The following DLGAP1 variants were observed in gnomAD, a reference collection of about 807,000 sequenced individuals.
DLGAP1 encodes the protein disks large-associated protein 1.
In DLGAP1, 11 loss-of-function variants were observed where a neutral mutation model predicts 90.8. The ratio of observed to expected loss-of-function variants is 0.12; its 90% CI spans 0.08 to 0.20. The LOEUF is 0.20. Among genes scored for constraint, DLGAP1 ranks in the 10% least tolerant of loss-of-function variants. The pLI, the probability that DLGAP1 is intolerant of heterozygous loss-of-function variation, is 1.00. For missense variants in DLGAP1, 1,050 were observed against 1,333.8 expected (o/e 0.79, Z 3.31); for synonymous variants, 558 against 540.7 (o/e 1.03, Z -0.44).
At chr18:4,193,218 C>A (rs761528477) in intron 1 of DLGAP1, among the ~76,000 whole-genome samples, 1 of 152,146 alleles carries the variant, frequency 6.6e-6, no homozygotes, top group African/African-American at 2.4e-5. Flanking sequence ...CTCAGCTGGA[C>A]GTGGGCCTGG....
intron 10 of DLGAP1, among the ~76,000 whole-genome samples, chr18:3,510,389 A>G (rs941189944): frequency 6.6e-6 from 1 of 152,252 alleles, no homozygotes; most frequent in African/African-American, 2.4e-5. Flanking sequence ...TACCTCTTCT[A>G]TGGGTGTGCC....
At chr18:4,155,940 G>C (rs1476869072) in intron 1 of DLGAP1, among the ~76,000 whole-genome samples, 1 of 152,182 alleles carries the variant, frequency 6.6e-6, no homozygotes, top group Admixed American at 6.5e-5. Context: ...CCTGGAGACA[G>C]GCAACATTTG....
intron 7 of DLGAP1, among the ~76,000 whole-genome samples, chr18:3,586,010 CT>C: frequency 6.6e-6 from 1 of 152,302 alleles, no homozygotes. Context: ...TGGACGCCAC[CT>C]GGTGGCTGTT....
chr18:4,437,563 A>G (rs866590873), intron 1 of DLGAP1, among the ~76,000 whole-genome samples: 1 of 119,272 alleles, frequency 8.4e-6, no homozygotes, highest in Admixed American at 9.1e-5. Flanking sequence ...GATGACAAGA[A>G]AAAAAAGTTT....
At chr18:4,331,137 G>A (rs1464889954) in intron 1 of DLGAP1, among the ~76,000 whole-genome samples, 4 of 151,678 alleles carry the variant, frequency 2.6e-5, no homozygotes, top group Non-Finnish European at 5.9e-5. Flanking sequence ...TACTTCATTT[G>A]ACATTAACAA....
intron 1 of DLGAP1, among the ~76,000 whole-genome samples, chr18:4,398,473 T>C (rs186102903): frequency 2.8e-3 from 425 of 152,338 alleles, no homozygotes; most frequent in African/African-American, 9.8e-3. Flanking sequence ...ACATGCTTGG[T>C]CCTGCTTGAT....
intron 7 of DLGAP1, among the ~76,000 whole-genome samples, chr18:3,695,899 T>A (rs950431468): frequency 3.3e-5 from 5 of 151,742 alleles, no homozygotes; most frequent in African/African-American, 4.9e-5. Flanking sequence ...TTTGTAGTTC[T>A]TGAAGAGGTC....
Position 3,659,706 on chromosome 18 carries a change from C to T in DLGAP1, c.1591+69429G>A, listed in dbSNP as rs746766537. Among the ~76,000 whole-genome samples the T allele has an allele frequency of 2.6e-5, 4 of 152,128 alleles. No homozygotes were observed. In the South Asian group the frequency reaches 6.2e-4, roughly 24 times the overall value. On this transcript the variant is annotated intron_variant, in intron 7 of 12. Transcript: ENST00000315677. ...TCAGCGTCCCGAGTAGCTGGGACTA[C>T]AGGCACGCCTGACCACACCCAGCTA...
chr18:4,076,001 C>T (rs1183762056), intron 2 of DLGAP1, among the ~76,000 whole-genome samples: 1 of 152,038 alleles, frequency 6.6e-6, no homozygotes, highest in Non-Finnish European at 1.5e-5. Context: ...GGTCGCTCTC[C>T]CTCTCCCTCT....
chr18:4,188,219 A>G (rs1440549605), intron 1 of DLGAP1, among the ~76,000 whole-genome samples: 2 of 151,890 alleles, frequency 1.3e-5, no homozygotes, highest in Non-Finnish European at 1.5e-5. Context: ...CTTTTCTTTT[A>G]TCTCTATTTA....
At position 3,729,334 on chromosome 18, in the gene DLGAP1, G is replaced by C; in HGVS notation, c.1392C>G (p.Cys464Trp). 1 of 1,613,922 alleles carries C rather than the reference G, an allele frequency of 6.2e-7. No homozygotes were observed. The highest frequency in any genetic ancestry group is 8.5e-7 in the Non-Finnish European group (1 of 1,179,840). The change falls in exon 7 of 13, where the codon TGC becomes TGG. Residue 464 changes from cysteine to tryptophan, a missense_variant. Around this residue, in one of 2 missense-constraint regions of DLGAP1, gnomAD observed 565 missense variants for 879.7 expected, o/e 0.64. Coordinates refer to ENST00000315677, the MANE Select transcript of DLGAP1 (RefSeq NM_004746.4). The surrounding 1 kb of genome is among the most constrained non-coding windows in gnomAD (Gnocchi z 6.2). The part of the protein sequence containing the change: ...MEVNGQFESV[C>W]ESVFSELESQ... ...ACTCCAGCTCGCTGAACACGGACTC[G>C]CACACGGACTCGAACTGCCCGTTCA...
At chr18:3,792,082 A>C (rs2065761215) in intron 5 of DLGAP1, among the ~76,000 whole-genome samples, 1 of 152,084 alleles carries the variant, frequency 6.6e-6, no homozygotes, top group Non-Finnish European at 1.5e-5. Context: ...GTATCATCGC[A>C]CTGCAGAAGC....
intron 1 of DLGAP1, among the ~76,000 whole-genome samples, chr18:4,335,571 C>G (rs2081052131): frequency 6.7e-6 from 1 of 149,548 alleles, no homozygotes; most frequent in Admixed American, 6.6e-5. Flanking sequence ...GTGGTTTCAC[C>G]TGGCTCTGGA....
At chr18:3,946,353 T>C (rs1241653795) in intron 3 of DLGAP1, among the ~76,000 whole-genome samples, 1 of 152,190 alleles carries the variant, frequency 6.6e-6, no homozygotes, top group Non-Finnish European at 1.5e-5. Flanking sequence ...CGTGTCATAA[T>C]AATTATTAGA....
chr18:4,132,708 T>C (rs1198250418), intron 2 of DLGAP1, among the ~76,000 whole-genome samples: 2 of 152,196 alleles, frequency 1.3e-5, no homozygotes, highest in East Asian at 3.9e-4. Context: ...CTTAAAATTC[T>C]ACTCTAAAGT....
intron 2 of DLGAP1, among the ~76,000 whole-genome samples, chr18:4,086,830 T>C (rs906661424): frequency 1.3e-5 from 2 of 151,950 alleles, no homozygotes; most frequent in Non-Finnish European, 2.9e-5. Context: ...TGATTTTCTT[T>C]CTACTAGTTC....
At chr18:4,387,396 G>A (rs952842206) in intron 1 of DLGAP1, among the ~76,000 whole-genome samples, 5 of 152,176 alleles carry the variant, frequency 3.3e-5, no homozygotes, top group African/African-American at 4.8e-5. Context: ...GTGACCAGAC[G>A]ATGATTTTAA....
At chr18:3,754,004 A>G (rs768464831) in intron 5 of DLGAP1, among the ~76,000 whole-genome samples, 2 of 151,956 alleles carry the variant, frequency 1.3e-5, no homozygotes, top group Non-Finnish European at 2.9e-5. Context: ...CATCTATTTT[A>G]TTTATTTATT....
intron 1 of DLGAP1, among the ~76,000 whole-genome samples, chr18:4,202,775 A>G (rs527481674): frequency 9.5e-4 from 145 of 152,300 alleles, no homozygotes; most frequent in African/African-American, 3.4e-3. Context: ...TTTCTGGCAG[A>G]AGGAAGACAG....
Sources: gnomAD v4.1 joint callset for allele counts (sites outside exome capture counted in the v4.1 genomes callset) on GRCh38, gnomAD v4.1.1 for gene constraint, gnomAD v4.1.1 regional missense constraint, Gnocchi (gnomAD v3.1) non-coding constraint, MANE v1.5 for transcripts, NCBI Gene and HGNC (gene_info 2026-07-23, HGNC 2026-07-21) for gene names.